The following PTPRN2 variants were observed in gnomAD, a reference collection of about 807,000 sequenced individuals.
PTPRN2 encodes the protein receptor-type tyrosine-protein phosphatase N2.
PTPRN2 carries 74 observed loss-of-function variants against 118.8 expected under a neutral mutation model. The observed-to-expected ratio is 0.62, with a 90% CI of 0.52 to 0.76. The LOEUF is 0.76. Among genes scored for constraint, PTPRN2 ranks in the 30% least tolerant of loss-of-function variants. The pLI is 0.00. For missense variants in PTPRN2, 1,481 were observed against 1,394.4 expected, an observed-to-expected ratio of 1.06 and a Z score of -0.99; for synonymous variants, 641 against 608.0, an observed-to-expected ratio of 1.05 and a Z score of -0.80.
At chr7:158,487,775 T>C (rs192042994) in intron 2 of PTPRN2, among the ~76,000 whole-genome samples, 283 of 151,734 alleles carry the variant, frequency 1.9e-3, no homozygotes, top group Non-Finnish European at 3.3e-3. Context: ...GAACCACTTC[T>C]CCTATCGCTC....
chr7:157,645,344 G>A (rs1804993601), intron 14 of PTPRN2, among the ~76,000 whole-genome samples: 1 of 152,178 alleles, frequency 6.6e-6, no homozygotes, highest in African/African-American at 2.4e-5. Flanking sequence ...CAGCGGCAAA[G>A]TTCAAAGGTT....
intron 12 of PTPRN2, among the ~76,000 whole-genome samples, chr7:157,775,573 G>A (rs1301994259): frequency 6.6e-6 from 1 of 152,196 alleles, no homozygotes; most frequent in East Asian, 1.9e-4. Context: ...GCAGCGCTGG[G>A]AAGGCTTCGT....
intron 12 of PTPRN2, among the ~76,000 whole-genome samples, chr7:157,873,558 G>C (rs1450539257): frequency 7.2e-6 from 1 of 138,500 alleles, no homozygotes; most frequent in Non-Finnish European, 1.5e-5. Context: ...CGTGGGGGCC[G>C]GGAGGAGAAC....
intron 2 of PTPRN2, among the ~76,000 whole-genome samples, chr7:158,390,144 C>T (rs571837080): frequency 7.4e-4 from 113 of 152,304 alleles, no homozygotes; most frequent in African/African-American, 2.5e-3. Flanking sequence ...TCTCATCCCC[C>T]GGCTGCTGAG....
intron 2 of PTPRN2, among the ~76,000 whole-genome samples, chr7:158,370,733 C>G (rs977059148): frequency 2.6e-5 from 4 of 152,078 alleles, no homozygotes; most frequent in Non-Finnish European, 5.9e-5. Context: ...GCCTGGGTGA[C>G]AGAGCGAGAC....
At chr7:158,052,352 A>G (rs991638436) in intron 11 of PTPRN2, among the ~76,000 whole-genome samples, 2 of 152,258 alleles carry the variant, frequency 1.3e-5, no homozygotes, top group African/African-American at 2.4e-5. Flanking sequence ...AGTTAAAGAC[A>G]GAGAGAAAGC....
At chr7:158,183,270 T>G (rs910642850) in intron 5 of PTPRN2, among the ~76,000 whole-genome samples, 3 of 152,228 alleles carry the variant, frequency 2.0e-5, no homozygotes, top group Non-Finnish European at 4.4e-5. Context: ...AAATGGAGGA[T>G]TTAGGCCATT....
chr7:158,479,253 A>T (rs1820486495), intron 2 of PTPRN2, among the ~76,000 whole-genome samples: 1 of 152,082 alleles, frequency 6.6e-6, no homozygotes, highest in Non-Finnish European at 1.5e-5. Flanking sequence ...GGAGGTACTC[A>T]GCCTGGACTT....
intron 12 of PTPRN2, among the ~76,000 whole-genome samples, chr7:157,842,496 C>G (rs1554467048): frequency 1.3e-5 from 2 of 150,368 alleles, no homozygotes; most frequent in Admixed American, 6.6e-5. Context: ...CTCACCGCAA[C>G]CTCCACCTCC....
rs937155094 is a variant in PTPRN2 at position 158,159,402 on chromosome 7, C to T, written c.910+7529G>A. On this transcript the variant is annotated intron_variant, in intron 6 of 22. Transcript: ENST00000389418. ...CCCGTGATTACCTTGGCCATACAAG[C>T]GATAGTATAATAAGACACCTGAATA... Among the ~76,000 whole-genome samples the T allele has an allele frequency of 2.6e-5, 4 of 152,262 alleles. No individual in the cohort carries two copies. In the South Asian group the frequency reaches 8.3e-4, roughly 32 times the overall value.
In PTPRN2 at chr7:158,459,102, G is replaced by A. The variant is rs114164490; in HGVS notation, c.163+30633C>T. ...CTGGGCTGGACTTGCTGCACACACA[G>A]GGCCACGAGGACTTTGGGACCACAC... On this transcript the variant is annotated intron_variant, in intron 2 of 22. Coordinates refer to ENST00000389418, the MANE Select transcript of PTPRN2 (RefSeq NM_002847.5). 5.0e-3 allele frequency among the ~76,000 whole-genome samples: 763 copies of A among 152,306 alleles called. 10 individuals carry two copies. Among genetic ancestry groups the A allele is most frequent in the African/African-American group, 0.018 (733 of 41,554 alleles).
At chr7:158,273,479 CA>C (rs1264516710) in intron 3 of PTPRN2, among the ~76,000 whole-genome samples, 76 of 113,840 alleles carry the variant, frequency 6.7e-4, no homozygotes, top group East Asian at 1.3e-3. Flanking sequence ...GCCGCAGGCA[CA>C]GGGGGAGCCG....
At chr7:158,530,952 A>G (rs1028894388) in intron 1 of PTPRN2, among the ~76,000 whole-genome samples, 1 of 152,144 alleles carries the variant, frequency 6.6e-6, no homozygotes, top group Non-Finnish European at 1.5e-5. Context: ...GTGTGTGTGT[A>G]AGCATGTGTA....
At chr7:157,854,912 ATG>A (rs1809571435) in intron 12 of PTPRN2, 2 of 159,988 alleles carry the variant, frequency 1.3e-5, no homozygotes, top group Non-Finnish European at 2.7e-5. Context: ...TGTTGCAGGG[ATG>A]TGTGTGGGGC....
chr7:158,382,673 A>G (rs1811053567), intron 2 of PTPRN2, among the ~76,000 whole-genome samples: 1 of 152,100 alleles, frequency 6.6e-6, no homozygotes, highest in Admixed American at 6.6e-5. Context: ...CCCCATTGTG[A>G]ACTGCGCACA....
At chr7:158,184,297 G>T (rs191460912) in intron 5 of PTPRN2, among the ~76,000 whole-genome samples, 2 of 151,940 alleles carry the variant, frequency 1.3e-5, no homozygotes, top group Non-Finnish European at 2.9e-5. Context: ...TCAATGTATT[G>T]TAGTTTTCAT....
Position 158,587,628 on chromosome 7 carries a change from C to CAGCAGCAGT in PTPRN2, c.33_41dup (p.Leu13_Leu15dup), listed in dbSNP as rs766632774. ...CGGCAGGCAGGACGCGTGGCGGCAG[C>CAGCAGCAGT]AGCAGCAGTAGCAGCAGCAGCAGCG... On this transcript the variant is annotated inframe_insertion, in exon 1 of 23. Transcript: ENST00000389418. 1.5e-4 allele frequency: 198 copies of CAGCAGCAGT among 1,362,906 alleles called. 1 individual carries two copies. The East Asian group carries it at 5.7e-3, about 39-fold the overall frequency. The allele number at this position is 1,362,906 out of a possible 1,614,324, so 84.4% of individuals were successfully genotyped here. A position where few individuals can be genotyped will look rare whatever the true frequency, so the allele number is the denominator to read the frequency against.
chr7:157,843,097 T>C (rs939795709), intron 12 of PTPRN2, among the ~76,000 whole-genome samples: 2 of 152,166 alleles, frequency 1.3e-5, no homozygotes, highest in Non-Finnish European at 2.9e-5. Context: ...TGAAACATCA[T>C]CTTCCCAAGT....
At chr7:158,326,977 G>C (rs182719171) in intron 2 of PTPRN2, among the ~76,000 whole-genome samples, 14 of 134,032 alleles carry the variant, frequency 1.0e-4, no homozygotes, top group African/African-American at 4.0e-4. Context: ...ACATTCACAT[G>C]CACATACACA....
Sources: gnomAD v4.1 joint callset for allele counts (sites outside exome capture counted in the v4.1 genomes callset) on GRCh38, gnomAD v4.1.1 for gene constraint, MANE v1.5 for transcripts, NCBI Gene and HGNC (gene_info 2026-07-23, HGNC 2026-07-21) for gene names.